The following AGMO variants were observed in gnomAD, a reference collection of about 807,000 sequenced individuals.
AGMO encodes the protein alkylglycerol monooxygenase.
Under a neutral mutation model 60.2 loss-of-function variants are expected in AGMO, and 75 were observed. The observed-to-expected ratio is 1.25, with a 90% CI of 1.03 to 1.51. The LOEUF (loss-of-function observed/expected upper bound fraction) is 1.51. Among genes scored for constraint, AGMO ranks in the 40% most tolerant of loss-of-function variants. The pLI is 0.00. For synonymous variants in AGMO, 261 were observed against 177.1 expected (o/e 1.47, Z -3.76); for missense variants, 763 against 525.5 (o/e 1.45, Z -4.42).
chr7:15,175,152 A>T, the AGMO span, among the ~76,000 whole-genome samples: 21 of 152,102 alleles, frequency 1.4e-4, no homozygotes, highest in South Asian at 4.1e-3. Context: ...TGTACTATAT[A>T]TTCATAATTT....
intron 2 of AGMO, among the ~76,000 whole-genome samples, chr7:15,553,591 C>G (rs1785040139): frequency 1.3e-5 from 2 of 151,954 alleles, no homozygotes; most frequent in Admixed American, 1.3e-4. Context: ...CAGTTTAATA[C>G]CTTTTTTAAA....
the AGMO span, among the ~76,000 whole-genome samples, chr7:15,130,912 T>G: frequency 1.3e-5 from 2 of 152,172 alleles, no homozygotes; most frequent in African/African-American, 2.4e-5. Flanking sequence ...TTGTTTGAAA[T>G]AATTAACTTC....
intron 12 of AGMO, among the ~76,000 whole-genome samples, chr7:15,320,345 A>C (rs1361412456): frequency 6.6e-6 from 1 of 152,080 alleles, no homozygotes; most frequent in Non-Finnish European, 1.5e-5. Context: ...AAATTTTCAC[A>C]GTAGCCACAG....
the AGMO span, among the ~76,000 whole-genome samples, chr7:15,166,435 G>C: frequency 1.6e-4 from 25 of 152,278 alleles, no homozygotes; most frequent in Admixed American, 1.6e-3. Context: ...AGTAGTAAAG[G>C]AGGAGTCAGA....
chr7:15,471,788 A>C (rs2128512837), intron 3 of AGMO, among the ~76,000 whole-genome samples: 1 of 151,898 alleles, frequency 6.6e-6, no homozygotes. Flanking sequence ...AATTTCCAAA[A>C]CTTCCACAAG....
intron 3 of AGMO, among the ~76,000 whole-genome samples, chr7:15,487,794 T>C (rs1782960320): frequency 1.3e-5 from 2 of 152,148 alleles, no homozygotes; most frequent in Admixed American, 1.3e-4. Context: ...ATGAAAACTA[T>C]ATTCAGAGCC....
chr7:15,326,821 A>G (rs1249565870), intron 12 of AGMO, among the ~76,000 whole-genome samples: 3 of 152,196 alleles, frequency 2.0e-5, no homozygotes, highest in African/African-American at 7.2e-5. Context: ...CGAAAAAGAA[A>G]AAAACAAAAA....
intron 3 of AGMO, among the ~76,000 whole-genome samples, chr7:15,477,769 A>G (rs1782635722): frequency 6.6e-6 from 1 of 152,144 alleles, no homozygotes; most frequent in Admixed American, 6.6e-5. Context: ...ATTTTGTCAT[A>G]GCTCTTCTTC....
At chr7:15,297,037 C>A (rs558417407) in intron 12 of AGMO, among the ~76,000 whole-genome samples, 1 of 149,746 alleles carries the variant, frequency 6.7e-6, no homozygotes, top group South Asian at 2.1e-4. Flanking sequence ...CTCATACCAC[C>A]TAGCCATCTC....
chr7:15,271,158 T>C (rs892838777), intron 12 of AGMO, among the ~76,000 whole-genome samples: 9 of 152,146 alleles, frequency 5.9e-5, no homozygotes, highest in Non-Finnish European at 1.3e-4. Context: ...TTTGGCTCTG[T>C]TTGGGTTCCA....
intron 12 of AGMO, among the ~76,000 whole-genome samples, chr7:15,361,127 G>T (rs773633891): frequency 6.6e-6 from 1 of 152,074 alleles, no homozygotes. Flanking sequence ...TAGAAGCAGC[G>T]TCTCTCCACA....
At chr7:15,384,799 A>C (rs529113448) in intron 10 of AGMO, among the ~76,000 whole-genome samples, 1 of 146,788 alleles carries the variant, frequency 6.8e-6, no homozygotes, top group East Asian at 2.0e-4. Context: ...TAAATCTATA[A>C]AAAATACCTG....
intron 12 of AGMO, 134 bp downstream of exon 12, chr7:15,365,380 T>TTAAAAAAAAAAAAAAAA (rs1311387207): frequency 8.9e-6 from 2 of 224,008 alleles, no homozygotes; most frequent in African/African-American, 5.8e-5. Flanking sequence ...TACTGGTAAG[T>TTAAAAAAAAAAAAAAAA]AAAAAAAAAA....
chr7:15,217,919 C>T (rs1462442308), intron 12 of AGMO, among the ~76,000 whole-genome samples: 1 of 151,728 alleles, frequency 6.6e-6, no homozygotes, highest in Non-Finnish European at 1.5e-5. Flanking sequence ...ATTTTCGATT[C>T]AGGGGTACAT....
At chr7:15,377,006 A>T (rs1329893600) in intron 10 of AGMO, among the ~76,000 whole-genome samples, 1 of 152,068 alleles carries the variant, frequency 6.6e-6, no homozygotes, top group Non-Finnish European at 1.5e-5. Context: ...TATCTTCTCT[A>T]ATATATGCAT....
At chr7:15,532,661 T>A (rs77422197) in intron 3 of AGMO, among the ~76,000 whole-genome samples, 1 of 152,110 alleles carries the variant, frequency 6.6e-6, no homozygotes, top group East Asian at 1.9e-4. Context: ...TCTTTAGGAT[T>A]TGAAAAATAG....
At chr7:15,135,840 CT>C in the AGMO span, among the ~76,000 whole-genome samples, 6 of 150,916 alleles carry the variant, frequency 4.0e-5, no homozygotes, top group South Asian at 1.3e-3. Context: ...TTTCCTTTTA[CT>C]TTCCCTTCTT....
the AGMO span, among the ~76,000 whole-genome samples, chr7:15,193,163 A>G: frequency 3.3e-5 from 5 of 152,148 alleles, no homozygotes; most frequent in Admixed American, 2.6e-4. Flanking sequence ...TTTTCTCTGC[A>G]TAACACTTAT....
At chr7:15,283,317 A>G (rs1784018439) in intron 12 of AGMO, among the ~76,000 whole-genome samples, 1 of 152,070 alleles carries the variant, frequency 6.6e-6, no homozygotes, top group East Asian at 1.9e-4. Flanking sequence ...CACAAACCAA[A>G]TATGTGCTGT....
Sources: gnomAD v4.1 joint callset for allele counts (sites outside exome capture counted in the v4.1 genomes callset) on GRCh38, gnomAD v4.1.1 for gene constraint, MANE v1.5 for transcripts, NCBI Gene and HGNC (gene_info 2026-07-23, HGNC 2026-07-21) for gene names.